MTERF4: variants seen among roughly 807,000 people sequenced by gnomAD.
The protein encoded by MTERF4 is mitochondrial transcription termination factor 4.
MTERF4 carries 17 observed loss-of-function variants against 22.5 expected under a neutral mutation model. The ratio of observed to expected loss-of-function variants is 0.75; its 90% confidence interval spans 0.52 to 1.13. MTERF4 has a LOEUF of 1.13. Among genes scored for constraint, MTERF4 ranks in the 50% most tolerant of loss-of-function variants. The pLI is 0.00. For missense variants in MTERF4, 420 were observed against 466.8 expected, an observed-to-expected ratio of 0.90 and a Z score of 0.92; for synonymous variants, 165 against 175.3, an observed-to-expected ratio of 0.94 and a Z score of 0.47.
chr2:241,071,130 G>A (rs2062692366), downstream of MTERF4, among the ~76,000 whole-genome samples: 1 of 152,176 alleles, frequency 6.6e-6, no homozygotes, highest in Non-Finnish European at 1.5e-5. Flanking sequence ...CGCTGTTAGG[G>A]TGACAGATGC....
chr2:241,059,458 C>G, the MTERF4 span, among the ~76,000 whole-genome samples: 1 of 152,184 alleles, frequency 6.6e-6, no homozygotes, highest in Non-Finnish European at 1.5e-5. Context: ...CACCTTGATA[C>G]CAAAACCAGA....
downstream of MTERF4, chr2:241,090,521 A>G: frequency 1.4e-6 from 2 of 1,452,540 alleles, no homozygotes; most frequent in African/African-American, 1.4e-5. Flanking sequence ...AGTATTATGT[A>G]CTCTACATAA....
the MTERF4 span, among the ~76,000 whole-genome samples, chr2:241,066,157 T>G: frequency 6.6e-6 from 1 of 152,162 alleles, no homozygotes; most frequent in Non-Finnish European, 1.5e-5. Flanking sequence ...TGACCAGATG[T>G]GACCCCTGAA....
chr2:241,093,408 A>T (rs2064172076), downstream of MTERF4: 1 of 152,684 alleles, frequency 6.5e-6, no homozygotes, highest in Non-Finnish European at 1.5e-5. Flanking sequence ...TAGGACCTCA[A>T]GCCCCTCAGC....
At chr2:241,047,333 A>G in the MTERF4 span, among the ~76,000 whole-genome samples, 1,093 of 152,292 alleles carry the variant, frequency 7.2e-3, 2 homozygotes, top group Non-Finnish European at 0.012. Context: ...ACTTGTACCT[A>G]TTAACACCTA....
chr2:241,097,228 A>G lies in MTERF4; in HGVS notation c.705+15T>C. ...CACCTGAAACTACGCTAATCACGCTATCAGTCATTCTCACCTGAAACTTGT... is the reference window on the plus strand; with the variant it reads ...CACCTGAAACTACGCTAATCACGCTGTCAGTCATTCTCACCTGAAACTTGT... On this transcript the variant is annotated intron_variant, in intron 3 of 3. Transcript: ENST00000391980. 3 of 1,613,008 alleles carry G rather than the reference A, an allele frequency of 1.9e-6. No individual in the cohort carries two copies. Among genetic ancestry groups the G allele is most frequent in the South Asian group, 2.2e-5 (2 of 90,824 alleles).
intron 4 of MTERF4, among the ~76,000 whole-genome samples, chr2:241,076,381 A>G (rs1167825960): frequency 1.3e-5 from 2 of 152,192 alleles, no homozygotes; most frequent in South Asian, 2.1e-4. Flanking sequence ...ATACTATTAT[A>G]TAGTTTGATA....
the MTERF4 span, chr2:241,049,090 G>A: frequency 2.5e-6 from 4 of 1,613,042 alleles, no homozygotes; most frequent in Non-Finnish European, 2.5e-6. Flanking sequence ...GGAGCACGGC[G>A]GGAGCTACCT....
downstream of MTERF4, chr2:241,088,259 G>A (rs1436139184): frequency 2.5e-6 from 2 of 806,704 alleles, no homozygotes; most frequent in East Asian, 2.4e-5. Context: ...TGGAATGTAT[G>A]TGAGCTAAAG....
At chr2:241,065,295 G>A in the MTERF4 span, 1 of 1,612,482 alleles carries the variant, frequency 6.2e-7, no homozygotes, top group Non-Finnish European at 8.5e-7. Flanking sequence ...CCCAAACCCT[G>A]AAGAGCTCTT....
downstream of MTERF4, among the ~76,000 whole-genome samples, chr2:241,068,413 C>T (rs942520840): frequency 1.3e-5 from 2 of 151,934 alleles, no homozygotes; most frequent in Admixed American, 6.6e-5. This position sits in a 1 kb window ranked among gnomAD's most constrained non-coding sequence, Gnocchi z 5.3. Flanking sequence ...GTGATTTGGT[C>T]GCCAACCAAA....
the MTERF4 span, among the ~76,000 whole-genome samples, chr2:241,056,925 C>A: frequency 6.6e-6 from 1 of 151,988 alleles, no homozygotes; most frequent in Non-Finnish European, 1.5e-5. Context: ...ATCTGTGGGA[C>A]AATATCAAAC....
the MTERF4 span, chr2:241,051,573 G>T: frequency 2.9e-5 from 14 of 484,598 alleles, no homozygotes; most frequent in African/African-American, 2.6e-4. This position sits in a 1 kb window ranked among gnomAD's most constrained non-coding sequence, Gnocchi z 4.7. Context: ...CCCCACCCCA[G>T]CCCCCACCAT....
the MTERF4 span, among the ~76,000 whole-genome samples, chr2:241,050,831 T>C: frequency 2.7e-5 from 4 of 150,834 alleles, no homozygotes; most frequent in Admixed American, 6.6e-5. Context: ...GTACCCAAGG[T>C]GGGGGTCCTA....
chr2:241,062,784 CTCTCAGAAATCGATGAGTGCCGG>C, the MTERF4 span: 1 of 1,599,040 alleles, frequency 6.3e-7, no homozygotes, highest in East Asian at 2.2e-5. Context: ...GGGCTCTCTC[CTCTCAGAAATCGATGAGTGCCGG>C]TCTCAGCCGT....
downstream of MTERF4, chr2:241,071,822 G>A (rs745332155): frequency 2.0e-5 from 32 of 1,603,812 alleles, no homozygotes; most frequent in South Asian, 3.3e-4. Context: ...GACGGCAGAG[G>A]AAGAGTGAGC....
chr2:241,084,185 G>A (rs1458178166), downstream of MTERF4, among the ~76,000 whole-genome samples: 3 of 143,240 alleles, frequency 2.1e-5, no homozygotes, highest in Non-Finnish European at 4.5e-5. Context: ...CCCCCAGGCT[G>A]GAGTGCGATG....
the MTERF4 span, chr2:241,064,040 C>T: frequency 6.4e-7 from 1 of 1,561,058 alleles, no homozygotes; most frequent in Non-Finnish European, 8.7e-7. This position sits in a 1 kb window ranked among gnomAD's most constrained non-coding sequence, Gnocchi z 7.0. Context: ...CCAGCCCCTG[C>T]CAGCATGGAG....
At chr2:241,065,164 G>C in the MTERF4 span, 1 of 956,624 alleles carries the variant, frequency 1.0e-6, no homozygotes, top group East Asian at 2.6e-5. Context: ...CGTGGCCAGG[G>C]ACAAAGAAGG....
Sources: allele counts gnomAD v4.1 joint callset (sites outside exome capture counted in the v4.1 genomes callset), GRCh38; gene constraint gnomAD v4.1.1; non-coding constraint Gnocchi (gnomAD v3.1); transcripts MANE v1.5; gene names NCBI Gene and HGNC (gene_info 2026-07-23, HGNC 2026-07-21).